ZSCAN31: variants seen among roughly 807,000 people sequenced by gnomAD.
ZSCAN31 encodes zinc finger and SCAN domain containing 31, also known as zinc finger and SCAN domain-containing protein 31.
In ZSCAN31, 14 loss-of-function variants were observed where a neutral mutation model predicts 22.5. The observed-to-expected ratio is 0.62, with a 90% CI of 0.41 to 0.97. The LOEUF is 0.97. Among genes scored for constraint, ZSCAN31 ranks in the 50% least tolerant of loss-of-function variants. ZSCAN31 has a pLI of 0.00. For synonymous variants in ZSCAN31, 168 were observed against 169.8 expected (o/e 0.99, Z 0.08); for missense variants, 424 against 483.4 (o/e 0.88, Z 1.15).
In ZSCAN31 at chr6:28,324,801, T is replaced by C. The variant is rs1763157462; in HGVS notation, c.*1365A>G. On this transcript the variant is annotated 3_prime_UTR_variant, in exon 4 of 4. Transcript: ENST00000344279. The surrounding 1 kb of genome is among the most constrained non-coding windows in gnomAD (Gnocchi z 4.8). The stretch of plus-strand genomic sequence containing the variant: ...CTCTTTTGAAATATTCTGATTCAGG[T>C]TTTGACTGTGGAGAAAAGAGTAACA... 6.6e-6 allele frequency: 1 copy of C among 152,172 alleles called. No homozygotes were observed. The highest frequency in any genetic ancestry group is 6.5e-5 in the Admixed American group (1 of 15,274). The allele number at this position is 152,172 out of a possible 1,614,324, so 9.4% of individuals were successfully genotyped here.
upstream of ZSCAN31, among the ~76,000 whole-genome samples, chr6:28,340,455 G>A (rs1764368269): frequency 6.6e-6 from 1 of 152,164 alleles, no homozygotes; most frequent in Non-Finnish European, 1.5e-5. Context: ...GGTTTTATAA[G>A]GGGTTTCCCC....
chr6:28,330,179 C>G (rs373873305), intron 1 of ZSCAN31, among the ~76,000 whole-genome samples: 23 of 152,128 alleles, frequency 1.5e-4, no homozygotes, highest in African/African-American at 5.1e-4. Context: ...CAGGACAGAG[C>G]CAGATCACCC....
At chr6:28,339,328 G>A (rs1484160417), upstream of ZSCAN31, among the ~76,000 whole-genome samples, 2 of 152,144 alleles carry the variant, frequency 1.3e-5, no homozygotes, top group Admixed American at 1.3e-4. Context: ...AAGGAGTCAT[G>A]CTCTATTTCC....
chr6:28,333,724 G>A lies in ZSCAN31; in HGVS notation c.-96+2358C>T, dbSNP rs1343448657. 6.6e-6 allele frequency among the ~76,000 whole-genome samples: 1 copy of A among 152,198 alleles called. No homozygotes were observed. Among genetic ancestry groups the A allele is most frequent in the Admixed American group, 6.5e-5 (1 of 15,282 alleles). On this transcript the variant is annotated intron_variant, in intron 1 of 3. Coordinates refer to ENST00000344279, the MANE Select transcript of ZSCAN31 (RefSeq NM_030899.5). The surrounding 1 kb of genome is among the most constrained non-coding windows in gnomAD (Gnocchi z 4.1). Reference sequence around the variant, plus strand: ...CAAAGACAGGAAAGGAGGCTGGAGTGTCTACAGTCATGTGGGAGAAGAGTG... The same window carrying A: ...CAAAGACAGGAAAGGAGGCTGGAGTATCTACAGTCATGTGGGAGAAGAGTG...
At chr6:28,352,964 C>CTTT (rs5875156) in intron 2 of ZSCAN31, among the ~76,000 whole-genome samples, 3 of 129,916 alleles carry the variant, frequency 2.3e-5, no homozygotes, top group East Asian at 4.3e-4. Context: ...TTTTCTTTTT[C>CTTT]TTTTTTTTTT....
rs1041997295 is a variant in ZSCAN31, at chr6:28,347,133, G to C, written c.-370-5341C>G. Among the ~76,000 whole-genome samples the C allele has an allele frequency of 1.3e-5, 2 of 152,194 alleles. No individual in the cohort carries two copies. The highest frequency in any genetic ancestry group is 4.8e-5 in the African/African-American group (2 of 41,452). Reference sequence around the variant, plus strand: ...CCTTGAGCTCCTGAGAGGATCAGCTGGAGCCTCTCTTGTAACTGCACCACA... The same window carrying C: ...CCTTGAGCTCCTGAGAGGATCAGCTCGAGCCTCTCTTGTAACTGCACCACA... On this transcript the variant is annotated intron_variant, in intron 2 of 7. Coordinates refer to the ZSCAN31 transcript ENST00000396838. The surrounding 1 kb of genome is among the most constrained non-coding windows in gnomAD (Gnocchi z 5.2).
Position 28,331,875 on chromosome 6 carries a change from C to T in ZSCAN31, c.-95-2097G>A, listed in dbSNP as rs747832578. On this transcript the variant is annotated intron_variant, in intron 1 of 3. Transcript: ENST00000344279. This position sits in a 1 kb window ranked among gnomAD's most constrained non-coding sequence, Gnocchi z 4.8. Reference sequence around the variant, plus strand: ...GCAATCTCTCACATACCCAAAGCCACAGGTGGAGTATTTCTCCATCAATTG... The same window carrying T: ...GCAATCTCTCACATACCCAAAGCCATAGGTGGAGTATTTCTCCATCAATTG... Among the ~76,000 whole-genome samples the T allele has an allele frequency of 6.6e-5, 10 of 152,188 alleles. No homozygotes were observed. The highest frequency in any genetic ancestry group is 1.5e-4 in the Non-Finnish European group (10 of 68,024).
At chr6:28,355,881 G>A (rs1327702255), upstream of ZSCAN31, among the ~76,000 whole-genome samples, 1 of 152,168 alleles carries the variant, frequency 6.6e-6, no homozygotes, top group Non-Finnish European at 1.5e-5. Flanking sequence ...CAGTTCTGTT[G>A]TCAAGTGGCC....
intron 1 of ZSCAN31, among the ~76,000 whole-genome samples, chr6:28,334,028 A>T (rs1401658271): frequency 6.6e-6 from 1 of 152,196 alleles, no homozygotes; most frequent in Non-Finnish European, 1.5e-5. Flanking sequence ...TGAATCTAGA[A>T]AGACTTCCAC....
intron 2 of ZSCAN31, among the ~76,000 whole-genome samples, chr6:28,342,500 C>CT (rs1464570919): frequency 6.6e-6 from 1 of 152,180 alleles, no homozygotes; most frequent in Non-Finnish European, 1.5e-5. Flanking sequence ...AGTAAAAACA[C>CT]TATCTACCAA....
At position 28,333,380 on chromosome 6, in the gene ZSCAN31, G is replaced by C. The variant is rs1044873285; in HGVS notation, c.-96+2702C>G. On this transcript the variant is annotated intron_variant, in intron 1 of 3. Transcript: ENST00000344279. This position sits in a 1 kb window ranked among gnomAD's most constrained non-coding sequence, Gnocchi z 4.1. ...TTGGCTGGGCATTAGGGCTACAATG[G>C]TGAAAAAGACGGGACCAGGCCCTGT... Among the ~76,000 whole-genome samples the C allele has an allele frequency of 1.3e-5, 2 of 152,306 alleles. No homozygotes were observed. The highest frequency in any genetic ancestry group is 4.1e-4 in the South Asian group (2 of 4,826).
At chr6:28,353,025 G>A (rs560982172) in intron 2 of ZSCAN31, among the ~76,000 whole-genome samples, 2 of 149,262 alleles carry the variant, frequency 1.3e-5, no homozygotes, top group Non-Finnish European at 3.0e-5. Context: ...TGCAGGTGCA[G>A]TGGTGCGATC....
At chr6:28,336,575 G>C (rs1468077673), upstream of ZSCAN31, among the ~76,000 whole-genome samples, 1 of 151,514 alleles carries the variant, frequency 6.6e-6, no homozygotes, top group African/African-American at 2.4e-5. Flanking sequence ...GTGCTGGCTA[G>C]TTGGAACTGT....
At chr6:28,335,477 G>C (rs1224929802) in intron 1 of ZSCAN31, 2 of 152,280 alleles carry the variant, frequency 1.3e-5, no homozygotes, top group African/African-American at 4.8e-5. Flanking sequence ...GTGGGTTCTG[G>C]TAGGTTCCGG....
At chr6:28,342,825 A>G (rs1764467831) in intron 2 of ZSCAN31, among the ~76,000 whole-genome samples, 1 of 152,238 alleles carries the variant, frequency 6.6e-6, no homozygotes, top group African/African-American at 2.4e-5. Context: ...GCTAGTTCTC[A>G]GAACTGGCTG....
rs1360613041 is a variant in ZSCAN31 at position 28,351,894 on chromosome 6, A to T, written c.-371+1968T>A. The stretch of plus-strand genomic sequence containing the variant: ...GGGACTTTTATCTTAATATAATCAT[A>T]GTATCATGATCACACGCAAAAAAAT... On this transcript the variant is annotated intron_variant, in intron 2 of 7. Transcript: ENST00000396838. This position sits in a 1 kb window ranked among gnomAD's most constrained non-coding sequence, Gnocchi z 4.6. Among the ~76,000 whole-genome samples the T allele has an allele frequency of 2.0e-5, 3 of 152,178 alleles. No homozygotes were observed.
upstream of ZSCAN31, among the ~76,000 whole-genome samples, chr6:28,339,247 C>T (rs1398172669): frequency 6.6e-6 from 1 of 151,960 alleles, no homozygotes; most frequent in Non-Finnish European, 1.5e-5. Context: ...AGAATAATTT[C>T]CATTGATTTT....
chr6:28,333,089 A>G lies in ZSCAN31; in HGVS notation c.-96+2993T>C, dbSNP rs949612772. 2.6e-5 allele frequency among the ~76,000 whole-genome samples: 4 copies of G among 152,224 alleles called. No individual in the cohort carries two copies. The highest frequency in any genetic ancestry group is 7.2e-5 in the African/African-American group (3 of 41,524). On this transcript the variant is annotated intron_variant, in intron 1 of 3. Transcript: ENST00000344279. This position sits in a 1 kb window ranked among gnomAD's most constrained non-coding sequence, Gnocchi z 4.1. ...ACAGTCAAAGACATCCTAGAATTCA[A>G]CTCCTGGGGGATTAAATGTGGTGTG...
chr6:28,329,770 A>C lies in ZSCAN31; in HGVS notation c.-87T>G. On this transcript the variant is annotated 5_prime_UTR_variant, in exon 2 of 4. Transcript: ENST00000344279. Reference sequence around the variant, plus strand: ...ATTTTCTGATTTAATCTTCCTTAGGAGAAGACACCTGATGATAGAGCATTA... The same window carrying C: ...ATTTTCTGATTTAATCTTCCTTAGGCGAAGACACCTGATGATAGAGCATTA... The C allele has an allele frequency of 6.8e-7, 1 of 1,461,872 alleles. No homozygotes were observed. The highest frequency in any genetic ancestry group is 9.2e-7 in the Non-Finnish European group (1 of 1,089,378). 90.6% of individuals were successfully genotyped at this position (1,461,872 alleles called of 1,614,324 possible).
Sources: gnomAD v4.1 joint callset for allele counts (sites outside exome capture counted in the v4.1 genomes callset) on GRCh38, gnomAD v4.1.1 for gene constraint, Gnocchi (gnomAD v3.1) non-coding constraint, MANE v1.5 for transcripts, NCBI Gene and HGNC (gene_info 2026-07-23, HGNC 2026-07-21) for gene names.